Variants in MYH15 observed in about 807,000 individuals in gnomAD.
MYH15 encodes the protein myosin-15.
In MYH15, 227 loss-of-function variants were observed where a neutral mutation model predicts 240.5. The observed-to-expected ratio is 0.94, with a 90% confidence interval of 0.85 to 1.05. The LOEUF (loss-of-function observed/expected upper bound fraction) is 1.05, where lower values mean the gene tolerates loss of function less well. Ranked by LOEUF, MYH15 falls within the 50% of genes least tolerant of loss-of-function variation. The probability of loss-of-function intolerance (pLI) is 0.00; values close to 1 mark genes in which losing one functional copy is unlikely to be tolerated. For missense variants in MYH15, 2,217 were observed against 2,247.5 expected (o/e 0.99, Z 0.27); for synonymous variants, 785 against 796.7 (o/e 0.99, Z 0.25).
the MYH15 span, among the ~76,000 whole-genome samples, chr3:108,546,865 AG>A: frequency 3.3e-5 from 5 of 152,172 alleles, no homozygotes; most frequent in Non-Finnish European, 5.9e-5. Flanking sequence ...CTTCGATGAC[AG>A]GAAGAAAGTC....
chr3:108,493,650 G>C (rs1038051899), intron 7 of MYH15, among the ~76,000 whole-genome samples: 1 of 152,166 alleles, frequency 6.6e-6, no homozygotes, highest in Non-Finnish European at 1.5e-5. Flanking sequence ...CTACCCTCAT[G>C]AATCTTATAG....
At chr3:108,536,627 G>T in the MYH15 span, among the ~76,000 whole-genome samples, 1 of 152,216 alleles carries the variant, frequency 6.6e-6, no homozygotes, top group African/African-American at 2.4e-5. Flanking sequence ...AAGGGGGAAT[G>T]GCCCAGGTGG....
intron 21 of MYH15, among the ~76,000 whole-genome samples, chr3:108,450,477 T>C (rs1361048269): frequency 6.6e-6 from 1 of 152,190 alleles, no homozygotes; most frequent in Non-Finnish European, 1.5e-5. Flanking sequence ...CTCACTCATA[T>C]GTGGGATATT....
chr3:108,444,405 A>G (rs1360138280), intron 22 of MYH15, among the ~76,000 whole-genome samples: 1 of 152,162 alleles, frequency 6.6e-6, no homozygotes, highest in Non-Finnish European at 1.5e-5. Context: ...ATGTGCTATT[A>G]TACAGTAAAA....
intron 25 of MYH15, among the ~76,000 whole-genome samples, chr3:108,435,271 G>T (rs142697628): frequency 3.9e-5 from 6 of 152,238 alleles, no homozygotes; most frequent in Non-Finnish European, 8.8e-5. Context: ...AATTTCCTAA[G>T]AATTATTGAC....
upstream of MYH15, among the ~76,000 whole-genome samples, chr3:108,511,558 G>C (rs939885658): frequency 3.3e-5 from 5 of 152,158 alleles, no homozygotes; most frequent in Non-Finnish European, 5.9e-5. Context: ...TGATAACAGG[G>C]AGAAGAAGAA....
intron 1 of MYH15, among the ~76,000 whole-genome samples, chr3:108,523,182 G>A (rs1210511247): frequency 6.6e-6 from 1 of 151,996 alleles, no homozygotes; most frequent in Non-Finnish European, 1.5e-5. Flanking sequence ...AAGATTATAT[G>A]CATAATAAAA....
intron 37 of MYH15, among the ~76,000 whole-genome samples, chr3:108,390,327 T>C (rs1265874576): frequency 6.6e-6 from 1 of 152,188 alleles, no homozygotes; most frequent in African/African-American, 2.4e-5. Flanking sequence ...TATTATCTGA[T>C]ATTAAGGAGT....
intron 14 of MYH15, among the ~76,000 whole-genome samples, chr3:108,469,608 G>C (rs371048218): frequency 2.9e-4 from 44 of 152,336 alleles, no homozygotes; most frequent in African/African-American, 9.9e-4. Flanking sequence ...TGGCCTTGAG[G>C]ATTGATGGCA....
At chr3:108,459,689 A>G (rs2083054565) in intron 17 of MYH15, among the ~76,000 whole-genome samples, 1 of 152,200 alleles carries the variant, frequency 6.6e-6, no homozygotes, top group African/African-American at 2.4e-5. Flanking sequence ...ACCTATTTTG[A>G]ATTTGATAGC....
chr3:108,551,016 G>C, the MYH15 span: 1 of 403,602 alleles, frequency 2.5e-6, no homozygotes, highest in Non-Finnish European at 4.2e-6. Context: ...CAACAGATCA[G>C]GGTCTTTACT....
chr3:108,420,750 AT>A (rs2082676301), intron 28 of MYH15, among the ~76,000 whole-genome samples: 1 of 152,204 alleles, frequency 6.6e-6, no homozygotes, highest in African/African-American at 2.4e-5. Context: ...AAAAATTTAA[AT>A]ATTCAATGAG....
At chr3:108,533,632 G>C (rs1395872885), upstream of MYH15, among the ~76,000 whole-genome samples, 1 of 152,114 alleles carries the variant, frequency 6.6e-6, no homozygotes, top group African/African-American at 2.4e-5. Context: ...TGTGAGGAGG[G>C]AGTTGGGACT....
intron 14 of MYH15, 22 bp from the exon 15 acceptor site, chr3:108,464,836 A>T (rs1449125361): frequency 6.4e-7 from 1 of 1,556,848 alleles, no homozygotes; most frequent in Non-Finnish European, 8.6e-7. Context: ...ACATAAGAGC[A>T]GCAGATTTCT....
chr3:108,421,117 G>C lies in MYH15; in HGVS notation c.3800C>G (p.Ala1267Gly). 2 of 1,614,104 alleles carry C rather than the reference G, an allele frequency of 1.2e-6. No homozygotes were observed. Among genetic ancestry groups the C allele is most frequent in the Non-Finnish European group, 1.7e-6 (2 of 1,179,980 alleles). The change falls in exon 28 of 41, where the codon GCA (alanine) becomes GGA (glycine). Residue 1267 changes from alanine to glycine, a missense_variant. Transcript: ENST00000693548. ...CTCACTCCACAGCTTTGTCTTTTGT[G>C]CTGCCAGGTCATTTGCCAACTGAGT... The part of the protein sequence containing the change: ...KVTQLANDLA[A>G]QKTKLWSESG...
At chr3:108,534,529 GTCT>G in the MYH15 span, among the ~76,000 whole-genome samples, 2 of 151,916 alleles carry the variant, frequency 1.3e-5, no homozygotes, top group Admixed American at 6.6e-5. Context: ...TCTCATAATT[GTCT>G]TCTTTACAAG....
intron 11 of MYH15, among the ~76,000 whole-genome samples, chr3:108,480,505 T>C (rs555447678): frequency 9.9e-4 from 150 of 152,242 alleles, no homozygotes; most frequent in African/African-American, 3.3e-3. Context: ...AATGACATAA[T>C]TAGAGTCATG....
rs1483014754 is a variant in MYH15 at position 108,384,772 on chromosome 3, T to C, written c.5546A>G (p.Asp1849Gly). 2.5e-6 allele frequency: 4 copies of C among 1,613,612 alleles called. No individual in the cohort carries two copies. The highest frequency in any genetic ancestry group is 3.4e-6 in the Non-Finnish European group (4 of 1,179,790). The change falls in exon 39 of 41, where the codon GAC becomes GGC. Residue 1849 changes from aspartate (D) to glycine (G), a missense_variant. Transcript: ENST00000693548. ...IKELTYQAEE[D>G]KKNLSRMQTQ... ...TTGCATCCTGCTCAGATTCTTCTTGTCTTCCTCTGCCTGCAATACATAGGC... is the reference window on the plus strand; with the variant it reads ...TTGCATCCTGCTCAGATTCTTCTTGCCTTCCTCTGCCTGCAATACATAGGC...
chr3:108,485,731 C>T (rs2083300346), intron 10 of MYH15, among the ~76,000 whole-genome samples: 1 of 152,328 alleles, frequency 6.6e-6, no homozygotes, highest in East Asian at 1.9e-4. Flanking sequence ...CATTCTCATA[C>T]ACCCCAGGAG....
Sources: allele counts gnomAD v4.1 joint callset (sites outside exome capture counted in the v4.1 genomes callset), GRCh38; gene constraint gnomAD v4.1.1; transcripts MANE v1.5; gene names NCBI Gene and HGNC (gene_info 2026-07-23, HGNC 2026-07-21).